Variants in OTX2 observed in about 807,000 individuals in gnomAD.
OTX2 encodes homeobox protein OTX2.
OTX2 carries 4 observed loss-of-function variants against 29.0 expected under a neutral mutation model. The ratio of observed to expected loss-of-function variants is 0.14; its 90% confidence interval spans 0.07 to 0.32. The LOEUF (loss-of-function observed/expected upper bound fraction) is 0.32, where lower values mean the gene tolerates loss of function less well. Ranked by LOEUF, OTX2 falls within the 10% of genes least tolerant of loss-of-function variation. The pLI is 1.00. For missense variants in OTX2, 298 were observed against 365.9 expected, an observed-to-expected ratio of 0.81 and a Z score of 1.51; for synonymous variants, 134 against 141.0, an observed-to-expected ratio of 0.95 and a Z score of 0.35.
intron 2 of OTX2, among the ~76,000 whole-genome samples, chr14:56,809,008 G>T (rs997606772): frequency 2.0e-5 from 3 of 152,234 alleles, no homozygotes; most frequent in African/African-American, 7.2e-5. Context: ...TTACTGGGCC[G>T]ATCCATGGCA....
At position 56,801,370 on chromosome 14, in the gene OTX2, G is replaced by C; in HGVS notation, c.*365C>G. ...CAACCAAGGATTGGCTAAAACAATG[G>C]AACACCTCTGCTTAAGAAGGCTATG... On this transcript the variant is annotated 3_prime_UTR_variant, in exon 5 of 5. Coordinates refer to ENST00000672264, the MANE Select transcript of OTX2 (RefSeq NM_021728.4). The surrounding 1 kb of genome is among the most constrained non-coding windows in gnomAD (Gnocchi z 4.2). 1 of 329,380 alleles carries C rather than the reference G, an allele frequency of 3.0e-6. No individual in the cohort carries two copies. Among genetic ancestry groups the C allele is most frequent in the South Asian group, 3.0e-5 (1 of 33,562 alleles). The allele number at this position is 329,380 out of a possible 1,614,324, so 20.4% of individuals were successfully genotyped here. A position where few individuals can be genotyped will look rare whatever the true frequency, so the allele number is the denominator to read the frequency against.
intron 2 of OTX2, among the ~76,000 whole-genome samples, chr14:56,808,072 A>G (rs894707735): frequency 6.0e-5 from 9 of 149,366 alleles, no homozygotes; most frequent in African/African-American, 2.2e-4. Flanking sequence ...CTTATATCTA[A>G]CGGTCAATTC....
rs913295719 is a variant in OTX2 at position 56,810,384 on chromosome 14, T to A, written c.-192A>T. ...CCCTCTGCAATACATACAAAGTAGATGTGGCGAGTGAGGGCTGCTCTAGCA... is the reference window on the plus strand; with the variant it reads ...CCCTCTGCAATACATACAAAGTAGAAGTGGCGAGTGAGGGCTGCTCTAGCA... On this transcript the variant is annotated 5_prime_UTR_variant, in exon 1 of 5. Coordinates refer to ENST00000672264, the MANE Select transcript of OTX2 (RefSeq NM_021728.4). 3 of 152,200 alleles carry A rather than the reference T, an allele frequency of 2.0e-5. No individual in the cohort carries two copies. Among genetic ancestry groups the A allele is most frequent in the African/African-American group, 7.2e-5 (3 of 41,448 alleles). The allele number at this position is 152,200 out of a possible 1,614,324, so 9.4% of individuals were successfully genotyped here. A position where few individuals can be genotyped will look rare whatever the true frequency, so the allele number is the denominator to read the frequency against.
In OTX2 at chr14:56,802,893, C is replaced by G. The variant is rs965101996; in HGVS notation, c.274-538G>C. On this transcript the variant is annotated intron_variant, in intron 4 of 4. Transcript: ENST00000672264. The surrounding 1 kb of genome is among the most constrained non-coding windows in gnomAD (Gnocchi z 4.4). ...GTCTCTCTTAGAAAGACTCACAGAACAAAGCTCCAAGGGGAAGACATGATC... is the reference window on the plus strand; with the variant it reads ...GTCTCTCTTAGAAAGACTCACAGAAGAAAGCTCCAAGGGGAAGACATGATC... 3.9e-5 allele frequency among the ~76,000 whole-genome samples: 6 copies of G among 152,162 alleles called. No individual in the cohort carries two copies. The highest frequency in any genetic ancestry group is 2.6e-4 in the Admixed American group (4 of 15,278).
intron 2 of OTX2, among the ~76,000 whole-genome samples, chr14:56,809,610 G>A (rs541235060): frequency 6.6e-6 from 1 of 152,110 alleles, no homozygotes; most frequent in Non-Finnish European, 1.5e-5. Context: ...GGGCTCGAGC[G>A]GCGGCCCCCG....
chr14:56,806,943 A>G (rs553250394), intron 2 of OTX2, among the ~76,000 whole-genome samples: 1 of 152,102 alleles, frequency 6.6e-6, no homozygotes. Flanking sequence ...GATTGCTTCA[A>G]AATGGCGGAT....
At chr14:56,806,997 A>G (rs779470740) in intron 2 of OTX2, among the ~76,000 whole-genome samples, 8 of 152,196 alleles carry the variant, frequency 5.3e-5, no homozygotes, top group Admixed American at 6.5e-5. Flanking sequence ...CCGGGTTTTC[A>G]TATTTACGTT....
chr14:56,810,007 A>G (rs1348343062), intron 2 of OTX2, among the ~76,000 whole-genome samples, 152 bp downstream of exon 2: 1 of 151,988 alleles, frequency 6.6e-6, no homozygotes, highest in East Asian at 1.9e-4. Flanking sequence ...TCGTTATTAC[A>G]CCTCAAAATT....
At position 56,800,905 on chromosome 14, in the gene OTX2, A is replaced by G. The variant is rs1341863555; in HGVS notation, c.*830T>C. ...ACCAACAGTAAATTACAGATGAATT[A>G]GTGTCCTTTTGCTTCTCTTCTCTGA... On this transcript the variant is annotated 3_prime_UTR_variant, in exon 5 of 5. Coordinates refer to ENST00000672264, the MANE Select transcript of OTX2 (RefSeq NM_021728.4). 6.6e-6 allele frequency: 1 copy of G among 152,610 alleles called. No homozygotes were observed. The highest frequency in any genetic ancestry group is 1.5e-5 in the Non-Finnish European group (1 of 68,050). 9.5% of individuals were successfully genotyped at this position (152,610 alleles called of 1,614,324 possible).
In OTX2 at chr14:56,804,328, T is replaced by G; in HGVS notation, c.133A>C (p.Lys45Gln). Residue 45 changes from lysine to glutamine, a missense_variant, in exon 4 of 5, where the codon AAA becomes CAA. Lys to Gln is a moderately conservative substitution (Grantham distance 53). This residue lies in a region of OTX2 where 50 missense variants were observed against 57.6 expected (regional missense o/e 0.87). Transcript: ENST00000672264. The surrounding 1 kb of genome is among the most constrained non-coding windows in gnomAD (Gnocchi z 4.1). ...AACGTCGTCCTCTCCCGGCGCTGTT[T>G]CCGGGGGGTGGCTGCGGGACAAGAA... ...WASCPAATPR[K>Q]QRRERTTFTR... The G allele has an allele frequency of 6.2e-7, 1 of 1,614,028 alleles. No individual in the cohort carries two copies. The highest frequency in any genetic ancestry group is 8.5e-7 in the Non-Finnish European group (1 of 1,180,018).
rs1302915246 is a variant in OTX2 at position 56,804,450 on chromosome 14, G to C, written c.98-87C>G. On this transcript the variant is annotated intron_variant, in intron 3 of 4. Transcript: ENST00000672264. This position sits in a 1 kb window ranked among gnomAD's most constrained non-coding sequence, Gnocchi z 4.1. ...GCCCTCCACCCCGCAGCAGTCCCCC[G>C]TTCCTCACAGCCCTTCAGCCGGGAG... 33 of 1,267,370 alleles carry C rather than the reference G, an allele frequency of 2.6e-5. No homozygotes were observed. The East Asian group carries it at 7.5e-4, about 29-fold the overall frequency. The allele number at this position is 1,267,370 out of a possible 1,614,324, so 78.5% of individuals were successfully genotyped here. A position where few individuals can be genotyped will look rare whatever the true frequency, so the allele number is the denominator to read the frequency against.
At chr14:56,809,249 C>A (rs1892194437) in intron 2 of OTX2, among the ~76,000 whole-genome samples, 1 of 152,154 alleles carries the variant, frequency 6.6e-6, no homozygotes, top group Non-Finnish European at 1.5e-5. Flanking sequence ...GCCCCAGGTG[C>A]GCGCGGAGGG....
intron 2 of OTX2, chr14:56,805,779 A>C: frequency 4.3e-6 from 1 of 232,872 alleles, no homozygotes; most frequent in Non-Finnish European, 7.9e-6. Flanking sequence ...AGGAGACCAG[A>C]TAAACCTGTC....
In OTX2 at chr14:56,800,387, A is replaced by G. The variant is rs1258145828; in HGVS notation, c.*1348T>C. 6.6e-6 allele frequency: 1 copy of G among 152,058 alleles called. No individual in the cohort carries two copies. The highest frequency in any genetic ancestry group is 1.5e-5 in the Non-Finnish European group (1 of 68,012). 9.4% of individuals were successfully genotyped at this position (152,058 alleles called of 1,614,324 possible). A position where few individuals can be genotyped will look rare whatever the true frequency, so the allele number is the denominator to read the frequency against. On this transcript the variant is annotated 3_prime_UTR_variant, in exon 5 of 5. Coordinates refer to ENST00000672264, the MANE Select transcript of OTX2 (RefSeq NM_021728.4). The stretch of plus-strand genomic sequence containing the variant: ...CCAATTCTCCTCCTCCCTCTTAAAA[A>G]CTTGATATATTTTAAAACATTCTAA...
At chr14:56,809,294 G>A (rs1892196585) in intron 2 of OTX2, among the ~76,000 whole-genome samples, 1 of 152,342 alleles carries the variant, frequency 6.6e-6, no homozygotes, top group South Asian at 2.1e-4. Flanking sequence ...GCAAAGTCAT[G>A]TTGAAAAAAC....
Position 56,802,467 on chromosome 14 carries a change from T to A in OTX2, c.274-112A>T. On this transcript the variant is annotated intron_variant, in intron 4 of 4. Coordinates refer to ENST00000672264, the MANE Select transcript of OTX2 (RefSeq NM_021728.4). The surrounding 1 kb of genome is among the most constrained non-coding windows in gnomAD (Gnocchi z 4.4). ...TGGGCAGATCAGCTAAACACACAATTTCCCCTGCCACTGAAGACCTATTAT... is the reference window on the plus strand; with the variant it reads ...TGGGCAGATCAGCTAAACACACAATATCCCCTGCCACTGAAGACCTATTAT... The A allele has an allele frequency of 8.2e-7, 1 of 1,217,006 alleles. No homozygotes were observed. The highest frequency in any genetic ancestry group is 1.2e-6 in the Non-Finnish European group (1 of 830,506). 75.4% of individuals were successfully genotyped at this position (1,217,006 alleles called of 1,614,324 possible). A position where few individuals can be genotyped will look rare whatever the true frequency, so the allele number is the denominator to read the frequency against.
intron 2 of OTX2, among the ~76,000 whole-genome samples, chr14:56,809,167 C>T (rs911143378): frequency 6.6e-6 from 1 of 152,142 alleles, no homozygotes; most frequent in South Asian, 2.1e-4. Context: ...GCGGTCCCAG[C>T]GGGAGGATTC....
chr14:56,809,661 G>C (rs1217396062), intron 2 of OTX2, among the ~76,000 whole-genome samples: 2 of 152,196 alleles, frequency 1.3e-5, no homozygotes, highest in Non-Finnish European at 2.9e-5. Context: ...TCCGGCGCGC[G>C]GGCCCAAGGA....
At position 56,805,412 on chromosome 14, in the gene OTX2, C is replaced by T. The variant is rs946757953; in HGVS notation, c.45G>A (p.Leu15=). The change falls in exon 3 of 5, where the codon CTG becomes CTA. Residue 15 remains leucine (L), a synonymous_variant. Coordinates refer to ENST00000672264, the MANE Select transcript of OTX2 (RefSeq NM_021728.4). ...AGTCCATACCCGAAGTGGTCAGACT[C>T]AGCCCATTGACTGCGTAAGGCGGTT... The part of the protein sequence containing the change: ...LKQPPYAVNG[L]SLTTSGMDLL... 6.2e-7 allele frequency: 1 copy of T among 1,613,990 alleles called. No individual in the cohort carries two copies. Among genetic ancestry groups the T allele is most frequent in the Non-Finnish European group, 8.5e-7 (1 of 1,179,978 alleles).
Sources: allele counts gnomAD v4.1 joint callset (sites outside exome capture counted in the v4.1 genomes callset), GRCh38; gene constraint gnomAD v4.1.1; regional missense constraint gnomAD v4.1.1; non-coding constraint Gnocchi (gnomAD v3.1); transcripts MANE v1.5; gene names NCBI Gene and HGNC (gene_info 2026-07-23, HGNC 2026-07-21).